Variants in TAB2 observed in about 807,000 individuals in gnomAD.
TAB2 encodes TGF-beta-activated kinase 1 and MAP3K7-binding protein 2.
A neutral mutation model predicts 65.0 loss-of-function variants in TAB2; 3 were observed. That is an observed-to-expected ratio of 0.05 (90% CI 0.02 to 0.12). The LOEUF (loss-of-function observed/expected upper bound fraction) is 0.12. Among genes scored for constraint, TAB2 ranks in the 10% least tolerant of loss-of-function variants. The probability of loss-of-function intolerance (pLI) is 1.00; values close to 1 mark genes in which losing one functional copy is unlikely to be tolerated. For missense variants in TAB2, 623 were observed against 840.3 expected, an observed-to-expected ratio of 0.74 and a Z score of 3.20; for synonymous variants, 298 against 285.1, an observed-to-expected ratio of 1.05 and a Z score of -0.46.
chr6:149,286,984 G>A (rs1228084906), intron 1 of TAB2, among the ~76,000 whole-genome samples: 1 of 152,082 alleles, frequency 6.6e-6, no homozygotes, highest in Non-Finnish European at 1.5e-5. Flanking sequence ...AAGAATGGTG[G>A]TAAGCATCTG....
rs145312495 is a variant in TAB2 at position 149,400,664 on chromosome 6, G to A, written c.1939+1480G>A. On this transcript the variant is annotated intron_variant, in intron 6 of 6. Coordinates refer to ENST00000637181, the MANE Select transcript of TAB2 (RefSeq NM_001292034.3). ...CAATTGATGTGTTTCAACAGCCTAC[G>A]GGAGGTGTCTACTGAAAAGGGAACC... 5.7e-5 allele frequency: 92 copies of A among 1,613,988 alleles called. No individual in the cohort carries two copies. In the East Asian group the frequency reaches 1.4e-3, roughly 25 times the overall value.
intron 1 of TAB2, 70 bp from the exon 2 acceptor site, chr6:149,369,839 A>G (rs887232396): frequency 3.1e-6 from 2 of 654,622 alleles, no homozygotes; most frequent in Admixed American, 5.3e-5. Flanking sequence ...TTTGTACTGA[A>G]ATTTTAAATC....
chr6:149,355,176 C>T (rs561672468), intron 1 of TAB2, among the ~76,000 whole-genome samples: 6 of 152,144 alleles, frequency 3.9e-5, no homozygotes, highest in African/African-American at 1.4e-4. Flanking sequence ...AAAATTTTCC[C>T]CAGTGAAAAT....
At chr6:149,371,086 A>AAG (rs1237151388) in intron 2 of TAB2, among the ~76,000 whole-genome samples, 2 of 151,356 alleles carry the variant, frequency 1.3e-5, no homozygotes, top group African/African-American at 2.4e-5. Context: ...AAAAAAAAAA[A>AAG]AAAAGTGTCC....
chr6:149,328,905 T>A (rs1779698015), intron 1 of TAB2, among the ~76,000 whole-genome samples: 1 of 152,154 alleles, frequency 6.6e-6, no homozygotes, highest in Non-Finnish European at 1.5e-5. Context: ...AATCTGAGTG[T>A]ATATCAGATA....
chr6:149,395,100 G>A (rs921355773), intron 3 of TAB2, among the ~76,000 whole-genome samples: 4 of 152,340 alleles, frequency 2.6e-5, no homozygotes, highest in South Asian at 4.1e-4. Context: ...CTCTGCTACC[G>A]TGGTAACGTG....
chr6:149,357,430 A>AAAAAAAAAACACACACACACAC, intron 1 of TAB2, among the ~76,000 whole-genome samples: 1 of 111,146 alleles, frequency 9.0e-6, no homozygotes, highest in East Asian at 3.1e-4. Flanking sequence ...AGAAAAAAAA[A>AAAAAAAAAACACACACACACAC]ACACACACAC....
At chr6:149,317,411 AGCCGCAGCCGCC>A (rs1414357075), upstream of TAB2, 6 of 77,896 alleles carry the variant, frequency 7.7e-5, no homozygotes, top group South Asian at 2.2e-4. This position sits in a 1 kb window ranked among gnomAD's most constrained non-coding sequence, Gnocchi z 4.7. Flanking sequence ...CCCGGGCCGC[AGCCGCAGCCGCC>A]GCCGCCGCCG....
At chr6:149,318,410 G>A (rs1779328705) in intron 1 of TAB2, among the ~76,000 whole-genome samples, 2 of 151,968 alleles carry the variant, frequency 1.3e-5, no homozygotes, top group Non-Finnish European at 2.9e-5. Context: ...GGTGGGGGCG[G>A]GGGAGGAAAA....
intron 1 of TAB2, among the ~76,000 whole-genome samples, chr6:149,227,375 C>T (rs1777303243): frequency 6.6e-6 from 1 of 152,070 alleles, no homozygotes; most frequent in Non-Finnish European, 1.5e-5. Flanking sequence ...GTCAAGATTG[C>T]TTGTGAAAAA....
intron 1 of TAB2, among the ~76,000 whole-genome samples, chr6:149,346,120 A>AG (rs1330443377): frequency 6.6e-6 from 1 of 152,176 alleles, no homozygotes; most frequent in African/African-American, 2.4e-5. Flanking sequence ...GAAGAGAGGG[A>AG]GGAAGGGGTG....
At chr6:149,361,829 C>T (rs1780862616) in intron 1 of TAB2, among the ~76,000 whole-genome samples, 2 of 152,232 alleles carry the variant, frequency 1.3e-5, no homozygotes, top group African/African-American at 4.8e-5. Context: ...GAAATTTCTT[C>T]TGTCAGATGC....
At chr6:149,218,774 C>T (rs1383646101) in exon 1 of TAB2, 2 of 455,804 alleles carry the variant, frequency 4.4e-6, no homozygotes, top group African/African-American at 2.0e-5. Flanking sequence ...ACTGAGAATG[C>T]AGGTAAGGCA....
chr6:149,333,195 T>G (rs1264026616), intron 1 of TAB2, among the ~76,000 whole-genome samples: 2 of 152,218 alleles, frequency 1.3e-5, no homozygotes, highest in Non-Finnish European at 2.9e-5. Flanking sequence ...GCTTTTGGGA[T>G]TCTGGAGTAC....
At chr6:149,396,210 G>A (rs547673141) in intron 3 of TAB2, among the ~76,000 whole-genome samples, 3 of 152,130 alleles carry the variant, frequency 2.0e-5, no homozygotes, top group African/African-American at 7.2e-5. Context: ...TAGAAACGAG[G>A]TTTCACCATG....
intron 1 of TAB2, among the ~76,000 whole-genome samples, chr6:149,360,385 G>A (rs1250789215): frequency 6.6e-6 from 1 of 152,216 alleles, no homozygotes; most frequent in Non-Finnish European, 1.5e-5. Context: ...CATGGCCGAA[G>A]GCACAGGGGA....
At chr6:149,316,667 T>G (rs1235040654), upstream of TAB2, among the ~76,000 whole-genome samples, 2 of 152,120 alleles carry the variant, frequency 1.3e-5, no homozygotes, top group Non-Finnish European at 2.9e-5. Flanking sequence ...AAATATTTAT[T>G]TAAGGAGGTA....
chr6:149,287,493 T>TAAAAAAAAA (rs201156738), intron 1 of TAB2, among the ~76,000 whole-genome samples: 39 of 150,784 alleles, frequency 2.6e-4, no homozygotes, highest in African/African-American at 8.8e-4. Flanking sequence ...TTTTTTTTTT[T>TAAAAAAAAA]AAAAAGAAAG....
intron 6 of TAB2, among the ~76,000 whole-genome samples, chr6:149,409,103 A>C (rs1782758018): frequency 6.6e-6 from 1 of 152,204 alleles, no homozygotes; most frequent in African/African-American, 2.4e-5. Flanking sequence ...TGTGTCATCC[A>C]AGGCTTACAT....
Sources: allele counts gnomAD v4.1 joint callset (sites outside exome capture counted in the v4.1 genomes callset), GRCh38; gene constraint gnomAD v4.1.1; non-coding constraint Gnocchi (gnomAD v3.1); transcripts MANE v1.5; gene names NCBI Gene and HGNC (gene_info 2026-07-23, HGNC 2026-07-21).